The following ATL2 variants were observed in gnomAD, a reference collection of about 807,000 sequenced individuals.
ATL2 encodes atlastin GTPase 2, also known as atlastin-2.
ATL2 carries 31 observed loss-of-function variants against 73.9 expected under a neutral mutation model. The ratio of observed to expected loss-of-function variants is 0.42; its 90% CI spans 0.32 to 0.57. The LOEUF is 0.57. ATL2 is among the 20% of genes least tolerant of loss of function. The pLI, the probability that ATL2 is intolerant of heterozygous loss-of-function variation, is 0.14. For synonymous variants in ATL2, 291 were observed against 237.5 expected (o/e 1.23, Z -2.07); for missense variants, 738 against 702.6 (o/e 1.05, Z -0.57).
intron 1 of ATL2, among the ~76,000 whole-genome samples, chr2:38,344,807 T>A (rs1359411417): frequency 6.6e-6 from 1 of 152,164 alleles, no homozygotes; most frequent in Non-Finnish European, 1.5e-5. Context: ...GTCAGTGAGA[T>A]GCATTTATAT....
intron 4 of ATL2, among the ~76,000 whole-genome samples, chr2:38,316,049 C>G (rs199514865): frequency 6.6e-6 from 1 of 152,192 alleles, no homozygotes; most frequent in Non-Finnish European, 1.5e-5. Context: ...CAGTAATCTA[C>G]ACTGCCACAG....
In ATL2 at chr2:38,308,540, G is replaced by C. The variant is rs186981948; in HGVS notation, c.1071+839C>G. Among the ~76,000 whole-genome samples the C allele has an allele frequency of 1.1e-4, 17 of 152,092 alleles. No individual in the cohort carries two copies. In the East Asian group the frequency reaches 3.1e-3, roughly 28 times the overall value. The stretch of plus-strand genomic sequence containing the variant: ...TTAGAATAAGATCTAGTATTTGATA[G>C]CATAACAATGTAGTTACAGTCAATA... On this transcript the variant is annotated intron_variant, in intron 9 of 12. Coordinates refer to ENST00000378954, the MANE Select transcript of ATL2 (RefSeq NM_001135673.4).
At chr2:38,305,321 G>C (rs1451020875) in intron 9 of ATL2, among the ~76,000 whole-genome samples, 1 of 152,202 alleles carries the variant, frequency 6.6e-6, no homozygotes, top group Non-Finnish European at 1.5e-5. Flanking sequence ...TTGAGGGCAG[G>C]TGGACCACTT....
intron 1 of ATL2, among the ~76,000 whole-genome samples, chr2:38,374,006 C>T (rs1029165039): frequency 1.3e-4 from 20 of 152,172 alleles, no homozygotes; most frequent in African/African-American, 4.8e-4. Context: ...ATTCTCCTGC[C>T]TCAGCCTCCT....
intron 12 of ATL2, chr2:38,296,435 TG>T: frequency 6.4e-7 from 1 of 1,560,526 alleles, no homozygotes; most frequent in Non-Finnish European, 8.7e-7. Context: ...TTGTCCTACA[TG>T]TGTAAGTGTG....
chr2:38,310,224 A>G, intron 8 of ATL2, 85 bp downstream of exon 8: 7 of 1,449,788 alleles, frequency 4.8e-6, no homozygotes, highest in Non-Finnish European at 6.7e-6. Flanking sequence ...ATAAGACAGG[A>G]CATTTAAGGC....
chr2:38,317,123 G>A (rs572895140), intron 4 of ATL2, among the ~76,000 whole-genome samples: 121 of 151,994 alleles, frequency 8.0e-4, no homozygotes, highest in Non-Finnish European at 1.2e-3. Flanking sequence ...TTAGAGAGAC[G>A]AGTCATATGT....
At chr2:38,336,990 T>C (rs748499494) in intron 2 of ATL2, among the ~76,000 whole-genome samples, 14 of 152,132 alleles carry the variant, frequency 9.2e-5, no homozygotes, top group Non-Finnish European at 1.9e-4. Flanking sequence ...ATTCACAGAA[T>C]GCAGAACATG....
chr2:38,360,460 T>A (rs1364331805), intron 1 of ATL2, among the ~76,000 whole-genome samples: 1 of 152,010 alleles, frequency 6.6e-6, no homozygotes, highest in East Asian at 1.9e-4. Context: ...TAATTTAGTT[T>A]TTGTAGAGAC....
intron 1 of ATL2, chr2:38,359,647 T>G (rs1398320605): frequency 1.3e-5 from 2 of 152,182 alleles, no homozygotes; most frequent in African/African-American, 2.4e-5. Flanking sequence ...TCACAGAATT[T>G]TTGCTGTTCC....
intron 2 of ATL2, among the ~76,000 whole-genome samples, chr2:38,336,348 T>A (rs1669355453): frequency 6.6e-6 from 1 of 152,156 alleles, no homozygotes; most frequent in South Asian, 2.1e-4. Context: ...TAGCAAAGAA[T>A]AAAAACATAA....
At chr2:38,323,287 G>GA (rs1668421759) in intron 2 of ATL2, among the ~76,000 whole-genome samples, 1 of 140,156 alleles carries the variant, frequency 7.1e-6, no homozygotes, top group South Asian at 2.3e-4. Flanking sequence ...AAGTAAATAG[G>GA]AAAAAAAGAA....
At chr2:38,333,589 C>CA (rs1171982357) in intron 2 of ATL2, among the ~76,000 whole-genome samples, 2 of 151,992 alleles carry the variant, frequency 1.3e-5, no homozygotes, top group African/African-American at 4.8e-5. Context: ...CCTACTGGAA[C>CA]AAAGAGTTTG....
At chr2:38,338,519 C>T (rs1669507858) in intron 2 of ATL2, among the ~76,000 whole-genome samples, 1 of 142,688 alleles carries the variant, frequency 7.0e-6, no homozygotes, top group South Asian at 2.2e-4. Context: ...AATGAGCCCA[C>T]ACTGATATAA....
At chr2:38,375,430 C>T (rs1408777261) in intron 1 of ATL2, among the ~76,000 whole-genome samples, 1 of 152,152 alleles carries the variant, frequency 6.6e-6, no homozygotes, top group Non-Finnish European at 1.5e-5. Flanking sequence ...GGACAAAAAC[C>T]TATGAGTAGC....
At chr2:38,357,209 T>C (rs1274715491) in intron 1 of ATL2, among the ~76,000 whole-genome samples, 1 of 151,836 alleles carries the variant, frequency 6.6e-6, no homozygotes. Flanking sequence ...GTGCCTGTAA[T>C]CCCAGCTACT....
At chr2:38,354,443 C>T (rs1294694408) in intron 1 of ATL2, among the ~76,000 whole-genome samples, 2 of 151,816 alleles carry the variant, frequency 1.3e-5, no homozygotes, top group Non-Finnish European at 2.9e-5. Context: ...TGTTATGAGG[C>T]AAAGTAAATG....
In ATL2 at chr2:38,296,003, C is replaced by G. The variant is rs1485468437; in HGVS notation, c.1743G>C (p.Lys581Asn). The change falls in exon 13 of 13, where the codon AAG becomes AAC. Residue 581 changes from lysine (K) to asparagine (N), a missense_variant. By Grantham distance (94) the Lys-to-Asn change is moderately conservative. Transcript: ENST00000378954. ...GTGAGGAGATGAACTGTCAGTCTGTCTTTAATCTGGCATGATGAGACACCT... is the reference window on the plus strand; with the variant it reads ...GTGAGGAGATGAACTGTCAGTCTGTGTTTAATCTGGCATGATGAGACACCT... Reference protein sequence around the residue: ...TDQVSHHARLKTD With the variant: ...TDQVSHHARLNTD 5.2e-6 allele frequency: 8 copies of G among 1,549,018 alleles called. No individual in the cohort carries two copies. The highest frequency in any genetic ancestry group is 1.4e-5 in the African/African-American group (1 of 72,936).
rs1223705361 is a variant in ATL2 at position 38,295,931 on chromosome 2, G to A, written c.*63C>T. ...TGTAAACTTTGGTTTATTTTTATTTGAGTTCTCATTGTACAGCAAGCATGA... is the reference window on the plus strand; with the variant it reads ...TGTAAACTTTGGTTTATTTTTATTTAAGTTCTCATTGTACAGCAAGCATGA... On this transcript the variant is annotated 3_prime_UTR_variant, in exon 13 of 13. Transcript: ENST00000378954. 1.5e-6 allele frequency: 2 copies of A among 1,339,934 alleles called. No individual in the cohort carries two copies. Among genetic ancestry groups the A allele is most frequent in the Admixed American group, 4.9e-5 (2 of 40,966 alleles). The allele number at this position is 1,339,934 out of a possible 1,614,324, so 83.0% of individuals were successfully genotyped here.
Sources: gnomAD v4.1 joint callset for allele counts (sites outside exome capture counted in the v4.1 genomes callset) on GRCh38, gnomAD v4.1.1 for gene constraint, MANE v1.5 for transcripts, NCBI Gene and HGNC (gene_info 2026-07-23, HGNC 2026-07-21) for gene names.